Variants in OGG1 observed in about 807,000 individuals in gnomAD.
OGG1 encodes N-glycosylase/DNA lyase.
Under a neutral mutation model 42.3 loss-of-function variants are expected in OGG1, and 35 were observed. The observed-to-expected ratio is 0.83, with a 90% CI of 0.63 to 1.10. The LOEUF (loss-of-function observed/expected upper bound fraction) is 1.10. OGG1 is among the 50% of genes least tolerant of loss of function. The pLI is 0.00. For missense variants in OGG1, 484 were observed against 446.7 expected (o/e 1.08, Z -0.75); for synonymous variants, 189 against 179.0 (o/e 1.06, Z -0.44).
intron 2 of OGG1, among the ~76,000 whole-genome samples, chr3:9,776,993 C>T (rs902567350): frequency 6.6e-6 from 1 of 152,172 alleles, no homozygotes; most frequent in African/African-American, 2.4e-5. Flanking sequence ...ATTTACTCCC[C>T]GACCACATTT....
intron 7 of OGG1, among the ~76,000 whole-genome samples, chr3:9,764,701 C>T (rs7652721): frequency 2.2e-5 from 3 of 134,688 alleles, no homozygotes; most frequent in African/African-American, 5.6e-5. Context: ...GGTGTGATCT[C>T]GGCTCACCGC....
downstream of OGG1, chr3:9,761,303 A>G: frequency 1.4e-6 from 1 of 732,632 alleles, no homozygotes; most frequent in Admixed American, 3.0e-5. Context: ...CTTGAAACAT[A>G]GTATCTATTG....
downstream of OGG1, chr3:9,758,904 A>G: frequency 2.5e-6 from 1 of 394,646 alleles, no homozygotes; most frequent in South Asian, 2.2e-5. Flanking sequence ...TGCTGGGATT[A>G]CAGGCGTGAG....
downstream of OGG1, among the ~76,000 whole-genome samples, chr3:9,770,534 G>A (rs1272886488): frequency 6.6e-6 from 1 of 152,192 alleles, no homozygotes; most frequent in African/African-American, 2.4e-5. Context: ...TTCAGCCCCA[G>A]ACACTTGCTC....
chr3:9,756,611 C>T lies in OGG1; in HGVS notation c.888C>T (p.Asn296=), dbSNP rs367859353. ...CGAAGGGACCGAGCCCCCAGACCAA[C>T]AAGGAACTGGGTGAGGAAAGTGGGC... ...SQAKGPSPQT[N]KELGNFFRSL... The change falls in exon 5 of 7, where the codon AAC becomes AAT. Residue 296 remains asparagine, a synonymous_variant. Coordinates refer to ENST00000344629, the MANE Select transcript of OGG1 (RefSeq NM_002542.6). The T allele has an allele frequency of 5.0e-6, 8 of 1,613,592 alleles. No individual in the cohort carries two copies. Among genetic ancestry groups the T allele is most frequent in the Non-Finnish European group, 6.8e-6 (8 of 1,179,610 alleles).
At chr3:9,784,159 C>G (rs1365927381) in intron 3 of OGG1, 1 of 1,613,946 alleles carries the variant, frequency 6.2e-7, no homozygotes, top group East Asian at 2.2e-5. Context: ...CCAAAAGGCC[C>G]TGGGCAATTA....
exon 8 of OGG1, chr3:9,766,360 C>T (rs1179345580): frequency 4.6e-6 from 3 of 651,698 alleles, no homozygotes; most frequent in Non-Finnish European, 5.6e-6. Flanking sequence ...TTGGTTCATC[C>T]CTTTTTCTGC....
At chr3:9,782,194 C>T (rs572688069) in intron 3 of OGG1, among the ~76,000 whole-genome samples, 1 of 152,310 alleles carries the variant, frequency 6.6e-6, no homozygotes, top group East Asian at 1.9e-4. Context: ...TCCTCTCTCT[C>T]CCTCTGCTTC....
downstream of OGG1, chr3:9,767,776 G>C: frequency 6.2e-7 from 1 of 1,613,346 alleles, no homozygotes. Flanking sequence ...ACCACAGCCA[G>C]GGCTCCTGTA....
At chr3:9,785,453 G>A (rs2078585557) in intron 3 of OGG1, 2 of 1,485,666 alleles carry the variant, frequency 1.3e-6, no homozygotes, top group Admixed American at 1.7e-5. Flanking sequence ...TGAGTGGAAG[G>A]AAAAATAGCT....
chr3:9,758,701 C>T (rs1358048375), downstream of OGG1: 1 of 181,328 alleles, frequency 5.5e-6, no homozygotes, highest in Non-Finnish European at 1.2e-5. Context: ...GCGATCTCAG[C>T]TCACTGCAAC....
chr3:9,752,766 C>T (rs1485860098), intron 3 of OGG1, among the ~76,000 whole-genome samples: 4 of 152,164 alleles, frequency 2.6e-5, no homozygotes, highest in African/African-American at 7.2e-5. Context: ...GAAACCCATT[C>T]CTGGCCGGGC....
intron 4 of OGG1, among the ~76,000 whole-genome samples, chr3:9,756,037 CCG>C (rs1231397235): frequency 1.3e-5 from 2 of 152,138 alleles, no homozygotes; most frequent in Non-Finnish European, 2.9e-5. Context: ...TATTCATAGG[CCG>C]CGCATGGTGG....
chr3:9,775,999 T>C (rs907063555), intron 2 of OGG1, among the ~76,000 whole-genome samples: 1 of 152,166 alleles, frequency 6.6e-6, no homozygotes, highest in African/African-American at 2.4e-5. Flanking sequence ...TTTTTATCAA[T>C]TTCCTAAGTG....
At chr3:9,781,852 T>G (rs981340413) in intron 3 of OGG1, among the ~76,000 whole-genome samples, 1 of 145,846 alleles carries the variant, frequency 6.9e-6, no homozygotes, top group African/African-American at 2.5e-5. Context: ...TTTTTTTTTT[T>G]TTTTTTGAGA....
chr3:9,763,168 ACT>A (rs1446869253), intron 7 of OGG1: 1 of 1,613,924 alleles, frequency 6.2e-7, no homozygotes. Flanking sequence ...GGTGGCCCCC[ACT>A]CTCATAGATG....
At position 9,750,245 on chromosome 3, in the gene OGG1, C is replaced by G; in HGVS notation, c.-42C>G. 1 of 1,589,954 alleles carries G rather than the reference C, an allele frequency of 6.3e-7. No homozygotes were observed. The highest frequency in any genetic ancestry group is 8.6e-7 in the Non-Finnish European group (1 of 1,168,256). The stretch of plus-strand genomic sequence containing the variant: ...CTTTGGGCGTCGACGAGGCCTGGTT[C>G]TGGGTAGGCGGGGCTACTACGGGGC... On this transcript the variant is annotated 5_prime_UTR_variant, in exon 1 of 7. Transcript: ENST00000344629.
At chr3:9,788,878 C>T (rs1434859093), downstream of OGG1, among the ~76,000 whole-genome samples, 1 of 151,250 alleles carries the variant, frequency 6.6e-6, no homozygotes, top group Non-Finnish European at 1.5e-5. Context: ...CTCTGTTGCC[C>T]AGGCTGGAGT....
intron 3 of OGG1, chr3:9,787,134 G>C (rs1167505992): frequency 1.9e-6 from 3 of 1,614,196 alleles, no homozygotes; most frequent in Non-Finnish European, 2.5e-6. Context: ...GAAAGGAGGG[G>C]AGGTGGGCTG....
Sources: allele counts gnomAD v4.1 joint callset (sites outside exome capture counted in the v4.1 genomes callset), GRCh38; gene constraint gnomAD v4.1.1; transcripts MANE v1.5; gene names NCBI Gene and HGNC (gene_info 2026-07-23, HGNC 2026-07-21).